VDAC1: variants seen among roughly 807,000 people sequenced by gnomAD.
The protein encoded by VDAC1 is voltage dependent anion channel 1, also known as non-selective voltage-gated ion channel VDAC1.
A neutral mutation model predicts 34.7 loss-of-function variants in VDAC1; 10 were observed. The ratio of observed to expected loss-of-function variants is 0.29; its 90% CI spans 0.18 to 0.49. VDAC1 has a LOEUF of 0.49. Among genes scored for constraint, VDAC1 ranks in the 20% least tolerant of loss-of-function variants. The probability of loss-of-function intolerance (pLI) is 0.99; values close to 1 mark genes in which losing one functional copy is unlikely to be tolerated. For synonymous variants in VDAC1, 130 were observed against 136.0 expected, an observed-to-expected ratio of 0.96 and a Z score of 0.30; for missense variants, 230 against 347.9, an observed-to-expected ratio of 0.66 and a Z score of 2.69.
chr5:134,039,640 T>C, the VDAC1 span, among the ~76,000 whole-genome samples: 8 of 152,132 alleles, frequency 5.3e-5, no homozygotes, highest in African/African-American at 1.9e-4. Flanking sequence ...ACGTGCGTAA[T>C]TTTAAAGCTC....
At chr5:134,083,174 CTTTTTCTTTT>C in the VDAC1 span, among the ~76,000 whole-genome samples, 8 of 144,742 alleles carry the variant, frequency 5.5e-5, no homozygotes, top group Admixed American at 1.4e-4. Context: ...CTGTGCTTTT[CTTTTTCTTTT>C]TTTTTCTTTT....
At chr5:133,986,732 G>A (rs1752922174) in intron 5 of VDAC1, among the ~76,000 whole-genome samples, 1 of 152,088 alleles carries the variant, frequency 6.6e-6, no homozygotes, top group African/African-American at 2.4e-5. Flanking sequence ...AAGAACCAAG[G>A]CTCCTTGGAG....
chr5:134,089,607 C>T, the VDAC1 span, among the ~76,000 whole-genome samples: 2 of 152,196 alleles, frequency 1.3e-5, no homozygotes, highest in African/African-American at 4.8e-5. Context: ...TTTCCCTGCT[C>T]CCTTCTGCAT....
At position 133,972,092 on chromosome 5, in the gene VDAC1, T is replaced by TGA. The variant is rs1307153817; in HGVS notation, c.*678_*679insTC. On this transcript the variant is annotated 3_prime_UTR_variant, in exon 9 of 9. Transcript: ENST00000265333. ...ATTTAGATTCTGAGTGTTGTCACCA[T>TGA]GTGATTACAATCACACAGACACTTC... is the stretch of plus-strand genomic sequence containing the variant. 2 of 152,806 alleles carry TGA rather than the reference T, an allele frequency of 1.3e-5. No individual in the cohort carries two copies. The highest frequency in any genetic ancestry group is 2.1e-4 in the South Asian group (1 of 4,832). 9.5% of individuals were successfully genotyped at this position (152,806 alleles called of 1,614,324 possible).
the VDAC1 span, among the ~76,000 whole-genome samples, chr5:134,039,474 T>G: frequency 5.9e-4 from 89 of 151,766 alleles, 1 homozygote; most frequent in South Asian, 6.7e-3. Context: ...GACTACAGGC[T>G]CCTGCCACCA....
the VDAC1 span, among the ~76,000 whole-genome samples, chr5:134,065,109 T>C: frequency 6.6e-6 from 1 of 152,094 alleles, no homozygotes; most frequent in Non-Finnish European, 1.5e-5. Context: ...ACTCACCTTA[T>C]TAATTTTTAG....
At chr5:134,057,493 T>TTATATCTATATCTATATC in the VDAC1 span, among the ~76,000 whole-genome samples, 4,067 of 134,538 alleles carry the variant, frequency 0.03, 128 homozygotes, top group East Asian at 0.17. Flanking sequence ...AAAAAAAAAT[T>TTATATCTATATCTATATC]TATATCTATA....
chr5:134,016,291 G>C, the VDAC1 span, among the ~76,000 whole-genome samples: 6 of 152,346 alleles, frequency 3.9e-5, no homozygotes, highest in South Asian at 2.1e-4. Flanking sequence ...GTGTGTGCCT[G>C]TGCACATGGC....
rs10717143 is a variant in VDAC1, at chr5:134,001,715, T to TAAA, written c.-7+3177_-7+3179dup. Among the ~76,000 whole-genome samples, 1,015 of 110,408 alleles carry TAAA rather than the reference T, an allele frequency of 9.2e-3. 16 individuals carry two copies. The highest frequency in any genetic ancestry group is 0.019 in the Middle Eastern group (4 of 212). The allele number at this position is 110,408 out of a possible 152,430, so 72.4% of individuals were successfully genotyped here. A position where few individuals can be genotyped will look rare whatever the true frequency, so the allele number is the denominator to read the frequency against. On this transcript the variant is annotated intron_variant, in intron 1 of 8. Coordinates refer to ENST00000265333, the MANE Select transcript of VDAC1 (RefSeq NM_003374.3). The stretch of plus-strand genomic sequence containing the variant: ...CTGGGCAACAGAGTGAGACTCCATC[T>TAAA]AAAAAAAAAAAAAAAAAAAAGAGAG...
upstream of VDAC1, among the ~76,000 whole-genome samples, chr5:134,009,247 CTTTTTTTTTTTT>C (rs869155174): frequency 2.3e-5 from 2 of 87,070 alleles, no homozygotes; most frequent in African/African-American, 4.7e-5. Context: ...TTTATCAATT[CTTTTTTTTTTTT>C]TTTTTTTTTT....
At chr5:134,109,391 G>C in the VDAC1 span, among the ~76,000 whole-genome samples, 1 of 152,148 alleles carries the variant, frequency 6.6e-6, no homozygotes, top group Non-Finnish European at 1.5e-5. Context: ...GCCTTGGTGT[G>C]CTCCACCTTC....
intron 1 of VDAC1, among the ~76,000 whole-genome samples, chr5:134,000,218 G>A (rs1010690403): frequency 8.5e-5 from 13 of 152,174 alleles, no homozygotes; most frequent in Non-Finnish European, 1.3e-4. Flanking sequence ...AAGGCTGATG[G>A]CCCTGTGTTC....
At chr5:133,995,996 T>A (rs938510984) in intron 1 of VDAC1, among the ~76,000 whole-genome samples, 5 of 152,176 alleles carry the variant, frequency 3.3e-5, no homozygotes, top group African/African-American at 1.2e-4. Context: ...GATACACAGC[T>A]GTCTCTGCAG....
At chr5:133,998,607 C>G (rs1753423550) in intron 1 of VDAC1, among the ~76,000 whole-genome samples, 1 of 152,220 alleles carries the variant, frequency 6.6e-6, no homozygotes, top group Admixed American at 6.5e-5. Flanking sequence ...AAATCACGTT[C>G]CAAGGCTGCT....
At chr5:134,057,808 G>T in the VDAC1 span, among the ~76,000 whole-genome samples, 1 of 151,908 alleles carries the variant, frequency 6.6e-6, no homozygotes, top group East Asian at 1.9e-4. Flanking sequence ...CCCTACATTC[G>T]CTTCAACACT....
At chr5:134,066,083 G>A in the VDAC1 span, among the ~76,000 whole-genome samples, 13 of 151,336 alleles carry the variant, frequency 8.6e-5, 1 homozygote, top group East Asian at 7.8e-4. Context: ...GTGAGCCACC[G>A]CGCCTGGTCG....
chr5:134,088,439 G>C, the VDAC1 span, among the ~76,000 whole-genome samples: 2 of 152,212 alleles, frequency 1.3e-5, no homozygotes, highest in Admixed American at 1.3e-4. Context: ...AGCCAGGCTG[G>C]GAGAGACAGC....
the VDAC1 span, among the ~76,000 whole-genome samples, chr5:134,073,809 TTGTG>T: frequency 6.6e-6 from 1 of 150,538 alleles, no homozygotes; most frequent in African/African-American, 2.4e-5. Context: ...TAACTCAGAC[TTGTG>T]TGTGTGTGTG....
chr5:133,982,057 T>C (rs1383900393), intron 5 of VDAC1, among the ~76,000 whole-genome samples: 5 of 152,148 alleles, frequency 3.3e-5, no homozygotes, highest in Non-Finnish European at 7.4e-5. Flanking sequence ...CTAAAACATC[T>C]ATCAAAGCTA....
Sources: allele counts gnomAD v4.1 joint callset (sites outside exome capture counted in the v4.1 genomes callset), GRCh38; gene constraint gnomAD v4.1.1; transcripts MANE v1.5; gene names NCBI Gene and HGNC (gene_info 2026-07-23, HGNC 2026-07-21).